The following RDH12 variants were observed in gnomAD, a reference collection of about 807,000 sequenced individuals.
RDH12 encodes the protein retinol dehydrogenase 12.
A neutral mutation model predicts 34.0 loss-of-function variants in RDH12; 21 were observed. The observed-to-expected ratio is 0.62, with a 90% CI of 0.44 to 0.89. The LOEUF (loss-of-function observed/expected upper bound fraction) is 0.89. RDH12 is among the 40% of genes least tolerant of loss of function. The pLI, the probability that RDH12 is intolerant of heterozygous loss-of-function variation, is 0.00. For synonymous variants in RDH12, 198 were observed against 169.9 expected (o/e 1.17, Z -1.29); for missense variants, 394 against 398.6 (o/e 0.99, Z 0.10).
intron 1 of RDH12, among the ~76,000 whole-genome samples, chr14:67,716,494 CAG>C (rs2038070922): frequency 1.3e-5 from 2 of 152,330 alleles, no homozygotes; most frequent in Admixed American, 1.3e-4. Flanking sequence ...TTTTCCATGA[CAG>C]AAAGTGTGTG....
At chr14:67,734,451 ATTGTCTTATT>A (rs1207501897), downstream of RDH12, 1 of 154,964 alleles carries the variant, frequency 6.5e-6, no homozygotes, top group East Asian at 1.9e-4. Flanking sequence ...CATTCATCTC[ATTGTCTTATT>A]TATTTTCTCA....
At chr14:67,717,112 T>C (rs946455849) in intron 1 of RDH12, among the ~76,000 whole-genome samples, 3 of 152,182 alleles carry the variant, frequency 2.0e-5, no homozygotes, top group Non-Finnish European at 2.9e-5. Context: ...ATATCATTCA[T>C]TAACTAGAGT....
At chr14:67,724,038 G>C (rs1165332928) in intron 3 of RDH12, among the ~76,000 whole-genome samples, 1 of 152,244 alleles carries the variant, frequency 6.6e-6, no homozygotes, top group East Asian at 1.9e-4. Context: ...ACCCCCCACA[G>C]AGTGCTGTTC....
chr14:67,707,335 C>G (rs955184225), intron 1 of RDH12, among the ~76,000 whole-genome samples: 1 of 152,224 alleles, frequency 6.6e-6, no homozygotes, highest in Non-Finnish European at 1.5e-5. Context: ...AATCTTTTCT[C>G]TCTCCAGTTT....
intron 1 of RDH12, among the ~76,000 whole-genome samples, chr14:67,707,286 AC>A (rs2037961053): frequency 6.6e-6 from 1 of 152,244 alleles, no homozygotes; most frequent in Non-Finnish European, 1.5e-5. Flanking sequence ...ATTAGGCAAG[AC>A]TAAAATCTAA....
intron 1 of RDH12, among the ~76,000 whole-genome samples, chr14:67,708,331 C>T (rs1293381327): frequency 6.6e-6 from 1 of 152,120 alleles, no homozygotes; most frequent in African/African-American, 2.4e-5. Flanking sequence ...TATTCGTGAA[C>T]ACTTCAGCTC....
At chr14:67,728,766 T>C (rs991308950) in intron 7 of RDH12, among the ~76,000 whole-genome samples, 1 of 149,548 alleles carries the variant, frequency 6.7e-6, no homozygotes, top group African/African-American at 2.5e-5. Context: ...CCTCATGAAA[T>C]GTGCTTGCCA....
Position 67,733,924 on chromosome 14 carries a change from A to T in RDH12, c.*76A>T. On this transcript the variant is annotated 3_prime_UTR_variant, in exon 9 of 9. Coordinates refer to ENST00000551171, the MANE Select transcript of RDH12 (RefSeq NM_152443.3). ...AGGGACCAAGGAGAAGGCCAACCCT[A>T]AAGGATTGTCCTCTTGGCCAGCTGG... 2 of 1,099,186 alleles carry T rather than the reference A, an allele frequency of 1.8e-6. No individual in the cohort carries two copies. Among genetic ancestry groups the T allele is most frequent in the Non-Finnish European group, 2.8e-6 (2 of 724,040 alleles). The allele number at this position is 1,099,186 out of a possible 1,614,324, so 68.1% of individuals were successfully genotyped here.
chr14:67,732,112 A>AG (rs1202445767), intron 8 of RDH12, among the ~76,000 whole-genome samples: 2 of 133,614 alleles, frequency 1.5e-5, no homozygotes, highest in Non-Finnish European at 1.6e-5. Flanking sequence ...GGGCGACAGA[A>AG]TGAGACTCTG....
intron 1 of RDH12, among the ~76,000 whole-genome samples, chr14:67,705,690 G>A (rs901274479): frequency 2.0e-5 from 3 of 152,244 alleles, no homozygotes; most frequent in South Asian, 4.1e-4. Flanking sequence ...TTAAAATGTT[G>A]ACATTTGGGG....
chr14:67,720,745 G>A (rs1365639153), intron 1 of RDH12, 103 bp from the exon 2 acceptor site: 1 of 152,138 alleles, frequency 6.6e-6, no homozygotes, highest in African/African-American at 2.4e-5. Context: ...ATGATATGAT[G>A]GTGGCCTTTG....
rs753553216 is a variant in RDH12 at position 67,729,372 on chromosome 14, G to A, written c.840G>A (p.Lys280=). The A allele has an allele frequency of 6.3e-6, 10 of 1,597,444 alleles. No homozygotes were observed. The highest frequency in any genetic ancestry group is 8.5e-6 in the Non-Finnish European group (10 of 1,179,792). Residue 280 remains lysine (K), a synonymous_variant, in exon 8 of 9, where the codon AAG becomes AAA. Transcript: ENST00000551171. ...LAEGLEPLSG[K]YFSDCKRTWV... is the part of the protein sequence containing the mutation. Reference sequence around the variant, plus strand: ...AGGGCCTGGAGCCCCTGAGTGGCAAGTACTTCAGGTGTGTGAAGGCAATGC... The same window carrying A: ...AGGGCCTGGAGCCCCTGAGTGGCAAATACTTCAGGTGTGTGAAGGCAATGC...
At chr14:67,733,086 C>T (rs1163081136) in intron 8 of RDH12, among the ~76,000 whole-genome samples, 1 of 151,734 alleles carries the variant, frequency 6.6e-6, no homozygotes, top group Non-Finnish European at 1.5e-5. Context: ...CAAACCTGCA[C>T]GTTGTGCACA....
chr14:67,723,561 T>C (rs2038149944), intron 3 of RDH12, among the ~76,000 whole-genome samples: 1 of 151,976 alleles, frequency 6.6e-6, no homozygotes, highest in Non-Finnish European at 1.5e-5. Context: ...ATAAAGGAGG[T>C]TAAATGGACC....
chr14:67,724,153 T>C (rs1213596668), intron 3 of RDH12, among the ~76,000 whole-genome samples: 4 of 152,230 alleles, frequency 2.6e-5, no homozygotes, highest in Admixed American at 1.3e-4. Context: ...CTGGAACCTC[T>C]AGAGATAAGA....
intron 1 of RDH12, among the ~76,000 whole-genome samples, chr14:67,713,769 T>C (rs2038037298): frequency 6.6e-6 from 1 of 152,122 alleles, no homozygotes; most frequent in South Asian, 2.1e-4. Context: ...AGTTTGGTTT[T>C]ATACATTCTA....
chr14:67,715,909 C>T (rs139163936), intron 1 of RDH12, among the ~76,000 whole-genome samples: 190 of 152,220 alleles, frequency 1.2e-3, no homozygotes, highest in African/African-American at 4.3e-3. Context: ...AAGAAGTTGC[C>T]TAGAGGCCGG....
chr14:67,733,750 T>C lies in RDH12; in HGVS notation c.853T>C (p.Cys285Arg). ...EPLSGKYFSDCKRTWVSPRAR... is the reference protein window; with the variant it reads ...EPLSGKYFSDRKRTWVSPRAR... ...CTGTCTTTCTCTGCCCTCCAGTGAC[T>C]GCAAGAGGACCTGGGTGTCTCCAAG... The change falls in exon 9 of 9, where the codon TGC becomes CGC. Residue 285 changes from cysteine (C) to arginine (R), a missense_variant. Transcript: ENST00000551171. 1 of 1,611,776 alleles carries C rather than the reference T, an allele frequency of 6.2e-7. No individual in the cohort carries two copies. Among genetic ancestry groups the C allele is most frequent in the Non-Finnish European group, 8.5e-7 (1 of 1,178,128 alleles).
chr14:67,726,187 T>G, intron 6 of RDH12, 32 bp downstream of exon 6: 1 of 1,198,400 alleles, frequency 8.3e-7, no homozygotes, highest in Non-Finnish European at 1.2e-6. Flanking sequence ...AAAAATGAGG[T>G]ACACCCACTA....
Sources: gnomAD v4.1 joint callset for allele counts (sites outside exome capture counted in the v4.1 genomes callset) on GRCh38, gnomAD v4.1.1 for gene constraint, MANE v1.5 for transcripts, NCBI Gene and HGNC (gene_info 2026-07-23, HGNC 2026-07-21) for gene names.